The following SUCNR1 variants were observed in gnomAD, a reference collection of about 807,000 sequenced individuals.
SUCNR1 encodes succinate receptor 1, also known as G-protein coupled receptor 91.
A neutral mutation model predicts 2.4 loss-of-function variants in SUCNR1; 5 were observed. The ratio of observed to expected loss-of-function variants is 2.07; its 90% CI spans 1.08 to 4.36. The LOEUF (loss-of-function observed/expected upper bound fraction) is 4.36, where lower values mean the gene tolerates loss of function less well. Among genes scored for constraint, SUCNR1 ranks in the 30% most tolerant of loss-of-function variants. The pLI is 0.00. For missense variants in SUCNR1, 373 were observed against 399.2 expected, an observed-to-expected ratio of 0.93 and a Z score of 0.56; for synonymous variants, 162 against 143.9, an observed-to-expected ratio of 1.13 and a Z score of -0.90.
chr3:151,877,476 G>C (rs569082880), intron 1 of SUCNR1, among the ~76,000 whole-genome samples: 6 of 152,230 alleles, frequency 3.9e-5, no homozygotes, highest in East Asian at 3.9e-4. Context: ...ATAGAGATAA[G>C]AGTAGCCTGG....
At position 151,883,234 on chromosome 3, in the gene SUCNR1, T is replaced by C. The variant is rs191462723; in HGVS notation, c.*1686T>C. 2 of 151,958 alleles carry C rather than the reference T, an allele frequency of 1.3e-5. No homozygotes were observed. The highest frequency in any genetic ancestry group is 1.9e-4 in the East Asian group (1 of 5,178). The allele number at this position is 151,958 out of a possible 1,614,324, so 9.4% of individuals were successfully genotyped here. On this transcript the variant is annotated 3_prime_UTR_variant, in exon 3 of 3. Transcript: ENST00000362032. ...CCTAATAACAAACTGAAAACAGAACTTCTGAGTTTCCTTATCAGAAAGGGC... is the reference window on the plus strand; with the variant it reads ...CCTAATAACAAACTGAAAACAGAACCTCTGAGTTTCCTTATCAGAAAGGGC...
Position 151,881,532 on chromosome 3 carries a change from C to G in SUCNR1, c.989C>G (p.Ser330Ter), listed in dbSNP as rs541790123. ...AGATGGGCTCATGAACTCCTACTTT[C>G]ATTCAGAGAAAAGTGAGGGGCTTGT... is the stretch of plus-strand genomic sequence containing the variant. Reference protein sequence around the residue: ...FSRWAHELLLSFREK With the variant: ...FSRWAHELLL The change falls in exon 3 of 3, where the codon TCA (serine) becomes TGA (stop). Residue 330 changes from serine to a stop codon, truncating the protein, a stop_gained. Transcript: ENST00000362032. LOFTEE classifies it high-confidence loss of function. The G allele has an allele frequency of 6.3e-7, 1 of 1,596,620 alleles. No individual in the cohort carries two copies.
At position 151,884,568 on chromosome 3, in the gene SUCNR1, T is replaced by C. The variant is rs1223922168; in HGVS notation, c.*3020T>C. ...TCAAAGAGTATTGATATTTTGTATA[T>C]ACATTTACAAATGTACATGTACACA... On this transcript the variant is annotated 3_prime_UTR_variant, in exon 3 of 3. Transcript: ENST00000362032. The C allele has an allele frequency of 1.3e-5, 2 of 152,246 alleles. No homozygotes were observed. The highest frequency in any genetic ancestry group is 1.9e-4 in the East Asian group (1 of 5,206). 9.4% of individuals were successfully genotyped at this position (152,246 alleles called of 1,614,324 possible).
At chr3:151,878,305 A>C (rs533730285) in intron 1 of SUCNR1, among the ~76,000 whole-genome samples, 3 of 152,254 alleles carry the variant, frequency 2.0e-5, no homozygotes, top group Admixed American at 6.5e-5. Context: ...AGAGTGTTTA[A>C]ATTCTAATGG....
Position 151,882,579 on chromosome 3 carries a change from C to T in SUCNR1, c.*1031C>T, listed in dbSNP as rs770248700. 17 of 152,016 alleles carry T rather than the reference C, an allele frequency of 1.1e-4. No individual in the cohort carries two copies. Among genetic ancestry groups the T allele is most frequent in the African/African-American group, 3.1e-4 (13 of 41,388 alleles). 9.4% of individuals were successfully genotyped at this position (152,016 alleles called of 1,614,324 possible). The stretch of plus-strand genomic sequence containing the variant: ...CATGATCCCCCATTTTTTGTAAACA[C>T]TGGAATAATTTACAAGGATAACTTT... On this transcript the variant is annotated 3_prime_UTR_variant, in exon 3 of 3. Transcript: ENST00000362032.
intron 1 of SUCNR1, among the ~76,000 whole-genome samples, chr3:151,874,836 TA>T (rs551216534): frequency 6.6e-6 from 1 of 152,068 alleles, no homozygotes; most frequent in African/African-American, 2.4e-5. Flanking sequence ...AGTAATTTGT[TA>T]AAAAAAATTC....
chr3:151,873,851 GA>G lies in SUCNR1; in HGVS notation c.-42+155del, dbSNP rs374276481. 9.6e-3 allele frequency: 1,382 copies of G among 144,324 alleles called. 14 individuals carry two copies. The highest frequency in any genetic ancestry group is 0.031 in the African/African-American group (1,221 of 39,264). 8.9% of individuals were successfully genotyped at this position (144,324 alleles called of 1,614,324 possible). A position where few individuals can be genotyped will look rare whatever the true frequency, so the allele number is the denominator to read the frequency against. ...ATAGATGTAAAACAGCAAAATAATT[GA>G]AAAAAAAAAGTCATTTTTATCTCTA... On this transcript the variant is annotated intron_variant, in intron 1 of 2. Transcript: ENST00000362032.
chr3:151,879,950 A>G lies in SUCNR1; in HGVS notation c.15+43A>G, dbSNP rs371097057. The G allele has an allele frequency of 2.7e-5, 41 of 1,491,490 alleles. No homozygotes were observed. In the African/African-American group the frequency reaches 4.1e-4, roughly 15 times the overall value. 92.4% of individuals were successfully genotyped at this position (1,491,490 alleles called of 1,614,324 possible). On this transcript the variant is annotated intron_variant, in intron 2 of 2. Transcript: ENST00000362032. ...AAAGTGAATTCAAAATCTTCTCTTC[A>G]ATTATTTTATCATACGTTCCCTTTG...
intron 1 of SUCNR1, among the ~76,000 whole-genome samples, chr3:151,874,781 C>T (rs1717872205): frequency 6.6e-6 from 1 of 151,896 alleles, no homozygotes. Flanking sequence ...TATATCTTTT[C>T]AGTGTGAATA....
At position 151,881,858 on chromosome 3, in the gene SUCNR1, G is replaced by T; in HGVS notation, c.*310G>T. Reference sequence around the variant, plus strand: ...GTTGTCTGCATTTGATCACTGGTCAGATTGTAAAAAAAAAAAAAATTGTTT... The same window carrying T: ...GTTGTCTGCATTTGATCACTGGTCATATTGTAAAAAAAAAAAAAATTGTTT... On this transcript the variant is annotated 3_prime_UTR_variant, in exon 3 of 3. Coordinates refer to ENST00000362032, the MANE Select transcript of SUCNR1 (RefSeq NM_033050.6). 4.8e-6 allele frequency: 1 copy of T among 209,876 alleles called. No individual in the cohort carries two copies. Among genetic ancestry groups the T allele is most frequent in the Non-Finnish European group, 9.5e-6 (1 of 105,462 alleles). 13.0% of individuals were successfully genotyped at this position (209,876 alleles called of 1,614,324 possible). A position where few individuals can be genotyped will look rare whatever the true frequency, so the allele number is the denominator to read the frequency against.
In SUCNR1 at chr3:151,883,308, G is replaced by A. The variant is rs1718155294; in HGVS notation, c.*1760G>A. 1 of 151,356 alleles carries A rather than the reference G, an allele frequency of 6.6e-6. No homozygotes were observed. Among genetic ancestry groups the A allele is most frequent in the African/African-American group, 2.4e-5 (1 of 41,234 alleles). 9.4% of individuals were successfully genotyped at this position (151,356 alleles called of 1,614,324 possible). A position where few individuals can be genotyped will look rare whatever the true frequency, so the allele number is the denominator to read the frequency against. ...AAGATTCACTTACTTCTGCAAACTT[G>A]GCAATCCGTAATTTAACTTTAATTT... On this transcript the variant is annotated 3_prime_UTR_variant, in exon 3 of 3. Transcript: ENST00000362032.
At chr3:151,880,027 C>A in intron 2 of SUCNR1, 120 bp downstream of exon 2, 1 of 571,112 alleles carries the variant, frequency 1.8e-6, no homozygotes, top group Non-Finnish European at 3.0e-6. Context: ...TTAATGCCTT[C>A]ACATGTGCTC....
chr3:151,875,472 A>G (rs921841037), intron 1 of SUCNR1, among the ~76,000 whole-genome samples: 1 of 152,168 alleles, frequency 6.6e-6, no homozygotes, highest in Non-Finnish European at 1.5e-5. Flanking sequence ...CACAGCTCAT[A>G]TTTATAAAAT....
intron 1 of SUCNR1, among the ~76,000 whole-genome samples, chr3:151,876,102 T>C (rs1467002928): frequency 2.6e-5 from 4 of 152,214 alleles, no homozygotes; most frequent in African/African-American, 7.2e-5. Flanking sequence ...GGAAACTTTC[T>C]ATACCTTAAT....
At chr3:151,877,097 T>C (rs1287392013) in intron 1 of SUCNR1, among the ~76,000 whole-genome samples, 1 of 152,094 alleles carries the variant, frequency 6.6e-6, no homozygotes, top group Non-Finnish European at 1.5e-5. Flanking sequence ...AAATATGTGA[T>C]GGGCCAGGAA....
At chr3:151,876,557 A>G (rs1198917020) in intron 1 of SUCNR1, among the ~76,000 whole-genome samples, 1 of 152,104 alleles carries the variant, frequency 6.6e-6, no homozygotes, top group Non-Finnish European at 1.5e-5. Context: ...AGCTATTAAC[A>G]TTTTGATGCA....
In SUCNR1 at chr3:151,883,465, CATATATATATATATATAT is replaced by C. The variant is rs57096358; in HGVS notation, c.*1940_*1957del. ...AATATTTTTTCAAACCATAAACTCACATATATATATATATATATATATATATATATATATATATATGTA... is the reference window on the plus strand; with the variant it reads ...AATATTTTTTCAAACCATAAACTCACATATATATATATATATATATATGTA... On this transcript the variant is annotated 3_prime_UTR_variant, in exon 3 of 3. Coordinates refer to ENST00000362032, the MANE Select transcript of SUCNR1 (RefSeq NM_033050.6). 1,410 of 80,418 alleles carry C rather than the reference CATATATATATATATATAT, an allele frequency of 0.018. 49 individuals are homozygous for C. The highest frequency in any genetic ancestry group is 0.053 in the African/African-American group (1,182 of 22,254). 5.0% of individuals were successfully genotyped at this position (80,418 alleles called of 1,614,324 possible).
At chr3:151,878,043 A>G (rs1717974341) in intron 1 of SUCNR1, among the ~76,000 whole-genome samples, 2 of 152,174 alleles carry the variant, frequency 1.3e-5, no homozygotes, top group South Asian at 2.1e-4. Context: ...CAGAAGACAG[A>G]GTATGAAAAA....
intron 1 of SUCNR1, among the ~76,000 whole-genome samples, chr3:151,878,035 G>A (rs1354199181): frequency 6.6e-6 from 1 of 152,154 alleles, no homozygotes; most frequent in Non-Finnish European, 1.5e-5. Context: ...AGTGTTTCCA[G>A]AAGACAGAGT....
Sources: allele counts gnomAD v4.1 joint callset (sites outside exome capture counted in the v4.1 genomes callset), GRCh38; gene constraint gnomAD v4.1.1; transcripts MANE v1.5; gene names NCBI Gene and HGNC (gene_info 2026-07-23, HGNC 2026-07-21).